XPR1: variants seen among roughly 807,000 people sequenced by gnomAD.
XPR1 encodes the protein solute carrier family 53 member 1.
XPR1 carries 28 observed loss-of-function variants against 87.5 expected under a neutral mutation model. The observed-to-expected ratio is 0.32, with a 90% confidence interval of 0.24 to 0.44. The LOEUF (loss-of-function observed/expected upper bound fraction) is 0.44. Ranked by LOEUF, XPR1 falls within the 20% of genes least tolerant of loss-of-function variation. The probability of loss-of-function intolerance (pLI) is 1.00; values close to 1 mark genes in which losing one functional copy is unlikely to be tolerated. For synonymous variants in XPR1, 300 were observed against 306.1 expected (o/e 0.98, Z 0.21); for missense variants, 559 against 862.3 (o/e 0.65, Z 4.41).
At chr1:180,742,438 T>C (rs904749587) in intron 2 of XPR1, among the ~76,000 whole-genome samples, 3 of 152,164 alleles carry the variant, frequency 2.0e-5, no homozygotes, top group African/African-American at 7.2e-5. Flanking sequence ...GAGAATTTGC[T>C]ATTATCCTTT....
chr1:180,659,603 C>G (rs1387899476), intron 1 of XPR1, among the ~76,000 whole-genome samples: 1 of 126,984 alleles, frequency 7.9e-6, no homozygotes, highest in Non-Finnish European at 1.7e-5. Flanking sequence ...CCACCCCCCA[C>G]CCCCCGCCGG....
intron 3 of XPR1, 48 bp downstream of exon 3, chr1:180,787,902 T>A: frequency 7.4e-7 from 1 of 1,346,830 alleles, no homozygotes; most frequent in Non-Finnish European, 1.1e-6. Context: ...AAGGATAAAT[T>A]GTACCATATC....
chr1:180,856,721 A>G (rs758366737), intron 11 of XPR1, among the ~76,000 whole-genome samples: 5 of 152,288 alleles, frequency 3.3e-5, no homozygotes, highest in South Asian at 2.1e-4. Flanking sequence ...TTAGTTCCCA[A>G]GTATTTCTTA....
At chr1:180,817,305 AT>A in intron 7 of XPR1, among the ~76,000 whole-genome samples, 1 of 152,062 alleles carries the variant, frequency 6.6e-6, no homozygotes, top group South Asian at 2.1e-4. Context: ...AAAGAAAAAA[AT>A]TTTTTTATAA....
chr1:180,835,496 A>ACCCCCCCCCCCC (rs111339401), intron 10 of XPR1, among the ~76,000 whole-genome samples: 3 of 150,300 alleles, frequency 2.0e-5, no homozygotes, highest in Admixed American at 6.6e-5. Context: ...CCGTTTTCGC[A>ACCCCCCCCCCCC]CCCCCCCCTT....
At chr1:180,814,884 A>G (rs1291280765) in intron 7 of XPR1, among the ~76,000 whole-genome samples, 1 of 152,112 alleles carries the variant, frequency 6.6e-6, no homozygotes, top group Non-Finnish European at 1.5e-5. Context: ...AAAGAGATTT[A>G]GTTGGCCTGG....
At chr1:180,770,131 T>C (rs192583850) in intron 2 of XPR1, among the ~76,000 whole-genome samples, 12 of 152,368 alleles carry the variant, frequency 7.9e-5, no homozygotes, top group African/African-American at 2.6e-4. Flanking sequence ...GCTTCAGTGC[T>C]CAGCTACCTT....
intron 2 of XPR1, among the ~76,000 whole-genome samples, chr1:180,774,994 A>C (rs570389179): frequency 9.2e-5 from 14 of 152,218 alleles, no homozygotes; most frequent in Non-Finnish European, 1.6e-4. Flanking sequence ...CATGGCAGAA[A>C]GGATGAAAGG....
chr1:180,827,325 A>C (rs939378201), intron 9 of XPR1, among the ~76,000 whole-genome samples: 1 of 152,118 alleles, frequency 6.6e-6, no homozygotes, highest in Admixed American at 6.5e-5. Context: ...TGGAAGATTC[A>C]GAAAACTCAG....
At chr1:180,847,073 A>G (rs1651711346) in intron 11 of XPR1, among the ~76,000 whole-genome samples, 2 of 152,190 alleles carry the variant, frequency 1.3e-5, no homozygotes, top group African/African-American at 4.8e-5. Flanking sequence ...TATCCTTACC[A>G]GGAATCTTCT....
chr1:180,708,913 G>GTT, intron 2 of XPR1, among the ~76,000 whole-genome samples: 1 of 93,872 alleles, frequency 1.1e-5, no homozygotes, highest in African/African-American at 4.5e-5. Flanking sequence ...TTTTTTTGGG[G>GTT]GGGGGGGGGC....
At chr1:180,715,082 C>A (rs1438617166) in intron 2 of XPR1, among the ~76,000 whole-genome samples, 1 of 152,030 alleles carries the variant, frequency 6.6e-6, no homozygotes, top group Non-Finnish European at 1.5e-5. Flanking sequence ...ATTTTTAGTG[C>A]AGTATTGGTT....
At chr1:180,653,528 C>T (rs1257975693) in intron 1 of XPR1, among the ~76,000 whole-genome samples, 1 of 146,988 alleles carries the variant, frequency 6.8e-6, no homozygotes, top group Non-Finnish European at 1.5e-5. Flanking sequence ...TACAGTAGTC[C>T]CCCCCTTATC....
intron 13 of XPR1, among the ~76,000 whole-genome samples, chr1:180,879,626 CTAA>C (rs1652781011): frequency 6.6e-6 from 1 of 152,210 alleles, no homozygotes; most frequent in Non-Finnish European, 1.5e-5. Context: ...GAAGCTTTCC[CTAA>C]CCAGTCTTAA....
rs928746434 is a variant in XPR1, at chr1:180,686,362, T to C, written c.121+3951T>C. ...CTGTGGTCTGAGAGACAGTTTGTTA[T>C]AATTTCTGTTCTTTTACATTTGCTG... On this transcript the variant is annotated intron_variant, in intron 2 of 14. Coordinates refer to ENST00000367590, the MANE Select transcript of XPR1 (RefSeq NM_004736.4). Among the ~76,000 whole-genome samples the C allele has an allele frequency of 4.6e-5, 7 of 152,316 alleles. No individual in the cohort carries two copies. The East Asian group carries it at 1.3e-3, about 29-fold the overall frequency.
intron 11 of XPR1, among the ~76,000 whole-genome samples, chr1:180,849,255 A>G (rs1002877625): frequency 1.3e-5 from 2 of 152,234 alleles, no homozygotes; most frequent in Non-Finnish European, 1.5e-5. Context: ...AAGAAAGGAA[A>G]CAGGTGTTAT....
At chr1:180,743,393 G>A (rs1267479719) in intron 2 of XPR1, among the ~76,000 whole-genome samples, 1 of 151,866 alleles carries the variant, frequency 6.6e-6, no homozygotes, top group African/African-American at 2.4e-5. Context: ...ATAGAACATA[G>A]AACCCTTTAC....
At chr1:180,789,048 A>G (rs1649283184) in intron 3 of XPR1, among the ~76,000 whole-genome samples, 1 of 152,202 alleles carries the variant, frequency 6.6e-6, no homozygotes, top group African/African-American at 2.4e-5. Context: ...GAGATGGAAA[A>G]AGGTAAAAAG....
chr1:180,641,809 G>T (rs1023126996), intron 1 of XPR1, among the ~76,000 whole-genome samples: 6 of 152,170 alleles, frequency 3.9e-5, no homozygotes, highest in African/African-American at 1.2e-4. Flanking sequence ...CTCATGACTA[G>T]CTAATAGCAG....
Sources: allele counts gnomAD v4.1 joint callset (sites outside exome capture counted in the v4.1 genomes callset), GRCh38; gene constraint gnomAD v4.1.1; transcripts MANE v1.5; gene names NCBI Gene and HGNC (gene_info 2026-07-23, HGNC 2026-07-21).